The following HECW2 variants were observed in gnomAD, a reference collection of about 807,000 sequenced individuals.
HECW2 encodes HECT, C2 and WW domain containing E3 ubiquitin protein ligase 2, also known as E3 ubiquitin-protein ligase HECW2.
Under a neutral mutation model 175.2 loss-of-function variants are expected in HECW2, and 61 were observed. The observed-to-expected ratio is 0.35, with a 90% CI of 0.28 to 0.43. HECW2 has a LOEUF of 0.43. Ranked by LOEUF, HECW2 falls within the 20% of genes least tolerant of loss-of-function variation. The probability of loss-of-function intolerance (pLI) is 1.00; values close to 1 mark genes in which losing one functional copy is unlikely to be tolerated. For missense variants in HECW2, 1,524 were observed against 2,000.5 expected (o/e 0.76, Z 4.54); for synonymous variants, 671 against 731.0 (o/e 0.92, Z 1.32).
intron 14 of HECW2, among the ~76,000 whole-genome samples, chr2:196,283,739 C>G (rs1427813951): frequency 1.3e-5 from 2 of 152,124 alleles, no homozygotes; most frequent in Admixed American, 6.5e-5. Context: ...ACAGTCAAAT[C>G]AAATCCCACT....
At chr2:196,208,023 T>C (rs1687133567) in intron 28 of HECW2, among the ~76,000 whole-genome samples, 1 of 152,218 alleles carries the variant, frequency 6.6e-6, no homozygotes, top group Non-Finnish European at 1.5e-5. Flanking sequence ...CAAAGTCCAG[T>C]AAGGACAGTT....
intron 1 of HECW2, among the ~76,000 whole-genome samples, chr2:196,469,463 G>A (rs1341636826): frequency 6.6e-6 from 1 of 151,958 alleles, no homozygotes; most frequent in Non-Finnish European, 1.5e-5. Context: ...GTTTATTCCT[G>A]AATCACCTGG....
At chr2:196,216,705 T>C (rs1207480457) in intron 27 of HECW2, among the ~76,000 whole-genome samples, 3 of 152,152 alleles carry the variant, frequency 2.0e-5, no homozygotes, top group African/African-American at 7.2e-5. Flanking sequence ...GCACTTTGGG[T>C]ACCCTGGGTG....
At chr2:196,293,596 T>C (rs1575371016) in intron 13 of HECW2, among the ~76,000 whole-genome samples, 1 of 152,350 alleles carries the variant, frequency 6.6e-6, no homozygotes, top group Middle Eastern at 3.4e-3. Context: ...CCACAATGGT[T>C]GAACTAATTT....
At chr2:196,576,696 G>C (rs926299884) in intron 1 of HECW2, among the ~76,000 whole-genome samples, 2 of 152,156 alleles carry the variant, frequency 1.3e-5, no homozygotes, top group African/African-American at 4.8e-5. Flanking sequence ...TAAGATGATA[G>C]ATCTTAAGTG....
At chr2:196,590,450 C>G (rs1691147982) in intron 1 of HECW2, among the ~76,000 whole-genome samples, 1 of 152,130 alleles carries the variant, frequency 6.6e-6, no homozygotes, top group Non-Finnish European at 1.5e-5. Context: ...TCCAACACAC[C>G]AAGCAAAACT....
chr2:196,459,427 T>C (rs1291945186), intron 1 of HECW2, among the ~76,000 whole-genome samples: 1 of 152,092 alleles, frequency 6.6e-6, no homozygotes, highest in African/African-American at 2.4e-5. Flanking sequence ...TTAGGTTGTA[T>C]AGATACAGTA....
chr2:196,427,225 A>G (rs1695574304), intron 2 of HECW2, among the ~76,000 whole-genome samples: 1 of 152,224 alleles, frequency 6.6e-6, no homozygotes, highest in African/African-American at 2.4e-5. Flanking sequence ...ATCTGTTCAC[A>G]GATCAGTAAC....
At chr2:196,392,885 C>G (rs865816153) in intron 2 of HECW2, among the ~76,000 whole-genome samples, 7 of 152,152 alleles carry the variant, frequency 4.6e-5, no homozygotes, top group Non-Finnish European at 8.8e-5. Flanking sequence ...GGAGGCATCA[C>G]GCTACCTGAC....
chr2:196,476,301 G>A (rs545220015), intron 1 of HECW2, among the ~76,000 whole-genome samples: 41 of 152,178 alleles, frequency 2.7e-4, no homozygotes, highest in Non-Finnish European at 5.9e-4. Context: ...AAACTTAGCC[G>A]GGTGTGGTGG....
chr2:196,386,670 A>G (rs183449490), intron 2 of HECW2, among the ~76,000 whole-genome samples: 1 of 152,236 alleles, frequency 6.6e-6, no homozygotes, highest in East Asian at 1.9e-4. Flanking sequence ...GGACAAGACC[A>G]TCTCCTTCCT....
At chr2:196,532,208 G>C (rs1010175494) in intron 1 of HECW2, among the ~76,000 whole-genome samples, 4 of 152,202 alleles carry the variant, frequency 2.6e-5, no homozygotes, top group African/African-American at 9.7e-5. Context: ...GTTCACAATA[G>C]CAAAGACTTG....
intron 28 of HECW2, among the ~76,000 whole-genome samples, chr2:196,215,275 A>G (rs1409654032): frequency 1.3e-5 from 2 of 152,230 alleles, no homozygotes; most frequent in Admixed American, 6.5e-5. Context: ...CACATCTCAC[A>G]TATGTGCATG....
Position 196,266,775 on chromosome 2 carries a change from T to G in HECW2, c.3335+4418A>C, listed in dbSNP as rs184167034. Among the ~76,000 whole-genome samples, 236 of 152,326 alleles carry G rather than the reference T, an allele frequency of 1.5e-3. 2 individuals are homozygous for G. Among genetic ancestry groups the G allele is most frequent in the Non-Finnish European group, 3.1e-3 (212 of 68,030 alleles). ...ACTTTTTATTAACTAAAATTCTGTA[T>G]TGTTTGATAAACTTCAAAATGGGCC... is the stretch of plus-strand genomic sequence containing the variant. On this transcript the variant is annotated intron_variant, in intron 17 of 28. Transcript: ENST00000644978.
At chr2:196,300,673 C>CAT (rs1307386876) in intron 13 of HECW2, among the ~76,000 whole-genome samples, 1 of 146,040 alleles carries the variant, frequency 6.8e-6, no homozygotes, top group African/African-American at 2.7e-5. Context: ...TCCATCTATA[C>CAT]ATATATATCT....
At chr2:196,583,965 G>A (rs1478015089) in intron 1 of HECW2, among the ~76,000 whole-genome samples, 1 of 152,180 alleles carries the variant, frequency 6.6e-6, no homozygotes, top group Admixed American at 6.5e-5. Context: ...TCCCAAGAGG[G>A]TAGCATATCA....
chr2:196,518,383 C>A (rs540099921), intron 1 of HECW2, among the ~76,000 whole-genome samples: 19 of 152,092 alleles, frequency 1.2e-4, no homozygotes, highest in South Asian at 1.2e-3. Context: ...AGGCCAGGCG[C>A]GGTGGCTCAC....
intron 1 of HECW2, among the ~76,000 whole-genome samples, chr2:196,510,282 C>G (rs1687900117): frequency 6.6e-6 from 1 of 152,168 alleles, no homozygotes; most frequent in South Asian, 2.1e-4. Context: ...TAGTTGCAGA[C>G]CAGTCCTAGA....
At chr2:196,501,410 T>C (rs1687574366) in intron 1 of HECW2, among the ~76,000 whole-genome samples, 1 of 152,100 alleles carries the variant, frequency 6.6e-6, no homozygotes, top group South Asian at 2.1e-4. Context: ...GAGACAGGCG[T>C]GGGAGTCTCT....
Sources: gnomAD v4.1 joint callset for allele counts (sites outside exome capture counted in the v4.1 genomes callset) on GRCh38, gnomAD v4.1.1 for gene constraint, MANE v1.5 for transcripts, NCBI Gene and HGNC (gene_info 2026-07-23, HGNC 2026-07-21) for gene names.